The following BRINP3 variants were observed in gnomAD, a reference collection of about 807,000 sequenced individuals.
The protein encoded by BRINP3 is BMP/retinoic acid inducible neural specific 3.
BRINP3 carries 19 observed loss-of-function variants against 71.0 expected under a neutral mutation model. The ratio of observed to expected loss-of-function variants is 0.27; its 90% CI spans 0.19 to 0.39. The LOEUF (loss-of-function observed/expected upper bound fraction) is 0.39, where lower values mean the gene tolerates loss of function less well. Among genes scored for constraint, BRINP3 ranks in the 10% least tolerant of loss-of-function variants. BRINP3 has a pLI of 1.00. For synonymous variants in BRINP3, 380 were observed against 337.7 expected (o/e 1.13, Z -1.37); for missense variants, 959 against 940.8 (o/e 1.02, Z -0.25).
chr1:190,429,989 A>C (rs1391373268), intron 2 of BRINP3, among the ~76,000 whole-genome samples: 1 of 152,188 alleles, frequency 6.6e-6, no homozygotes, highest in Non-Finnish European at 1.5e-5. Context: ...AACAAAACAT[A>C]ATCTTGTTAC....
chr1:190,377,777 C>T (rs1204716802), intron 2 of BRINP3, among the ~76,000 whole-genome samples: 1 of 151,576 alleles, frequency 6.6e-6, no homozygotes, highest in Non-Finnish European at 1.5e-5. Flanking sequence ...AACTATTCTA[C>T]CTACAACAGC....
intron 7 of BRINP3, among the ~76,000 whole-genome samples, chr1:190,127,749 C>G (rs941293001): frequency 6.6e-6 from 1 of 151,756 alleles, no homozygotes. Flanking sequence ...GTATATATGG[C>G]AAAATGGACC....
At chr1:190,273,052 T>TG (rs1271461752) in intron 3 of BRINP3, among the ~76,000 whole-genome samples, 1 of 121,998 alleles carries the variant, frequency 8.2e-6, no homozygotes, top group Non-Finnish European at 2.0e-5. Flanking sequence ...GTAAGAGATC[T>TG]GTTTTTTTTT....
At chr1:190,361,964 G>A (rs1558217788) in intron 2 of BRINP3, 1 of 152,070 alleles carries the variant, frequency 6.6e-6, no homozygotes, top group Non-Finnish European at 1.5e-5. Context: ...AGGGTTAGAT[G>A]AGATCATGAG....
chr1:190,198,911 C>G (rs1439587105), intron 6 of BRINP3, among the ~76,000 whole-genome samples: 1 of 152,128 alleles, frequency 6.6e-6, no homozygotes, highest in Non-Finnish European at 1.5e-5. Context: ...GCACCCTACT[C>G]TTAGCACCAA....
At chr1:190,390,072 G>C (rs914743717) in intron 2 of BRINP3, among the ~76,000 whole-genome samples, 5 of 151,670 alleles carry the variant, frequency 3.3e-5, no homozygotes, top group Non-Finnish European at 7.4e-5. Context: ...AGAGACAGAG[G>C]ACAACTACTA....
intron 2 of BRINP3, among the ~76,000 whole-genome samples, chr1:190,396,669 C>T (rs965427942): frequency 7.0e-6 from 1 of 142,574 alleles, no homozygotes; most frequent in South Asian, 2.2e-4. Flanking sequence ...AACAGAGATG[C>T]ATATGTATAC....
intron 2 of BRINP3, among the ~76,000 whole-genome samples, chr1:190,287,877 A>T (rs1260589963): frequency 8.1e-6 from 1 of 124,104 alleles, no homozygotes; most frequent in African/African-American, 2.6e-5. Context: ...ATTACTGAAA[A>T]TAATTTAATT....
intron 2 of BRINP3, among the ~76,000 whole-genome samples, chr1:190,370,501 T>G (rs1057126948): frequency 6.6e-6 from 1 of 152,146 alleles, no homozygotes; most frequent in Non-Finnish European, 1.5e-5. Flanking sequence ...CAAAAAAATA[T>G]ATAACAGTGG....
At chr1:190,411,737 T>TA (rs1672674453) in intron 2 of BRINP3, among the ~76,000 whole-genome samples, 1 of 152,058 alleles carries the variant, frequency 6.6e-6, no homozygotes, top group African/African-American at 2.4e-5. Context: ...CAAGGTGGAA[T>TA]AAAAAAGGTA....
intron 2 of BRINP3, among the ~76,000 whole-genome samples, chr1:190,332,209 T>C (rs1667009768): frequency 6.6e-6 from 1 of 152,080 alleles, no homozygotes; most frequent in South Asian, 2.1e-4. Flanking sequence ...ACAATTTGCA[T>C]ATATACTGCC....
At chr1:190,246,133 G>C (rs1225371786) in intron 4 of BRINP3, among the ~76,000 whole-genome samples, 1 of 152,006 alleles carries the variant, frequency 6.6e-6, no homozygotes, top group Non-Finnish European at 1.5e-5. Flanking sequence ...GATTTTTAAA[G>C]TATGTATTTG....
At chr1:190,266,407 C>T (rs1050115915) in intron 3 of BRINP3, among the ~76,000 whole-genome samples, 3 of 152,092 alleles carry the variant, frequency 2.0e-5, no homozygotes, top group African/African-American at 7.2e-5. Context: ...CTAAAACTCA[C>T]ATTTCTTGTT....
At chr1:190,150,829 C>A (rs1208217610) in intron 7 of BRINP3, among the ~76,000 whole-genome samples, 1 of 151,860 alleles carries the variant, frequency 6.6e-6, no homozygotes, top group African/African-American at 2.4e-5. Flanking sequence ...CAGATGACAC[C>A]AATATCATGG....
intron 2 of BRINP3, among the ~76,000 whole-genome samples, chr1:190,444,239 C>CTAAA (rs1675043205): frequency 1.8e-5 from 1 of 56,310 alleles, no homozygotes; most frequent in Non-Finnish European, 3.1e-5. Flanking sequence ...AACTCCGTCT[C>CTAAA]AAAAAAAAAA....
At chr1:190,255,038 T>TC (rs1660525542) in intron 4 of BRINP3, among the ~76,000 whole-genome samples, 3 of 152,020 alleles carry the variant, frequency 2.0e-5, no homozygotes, top group African/African-American at 7.2e-5. Flanking sequence ...TCATGTGGTT[T>TC]TTTTTTTCAT....
intron 2 of BRINP3, among the ~76,000 whole-genome samples, chr1:190,443,735 A>T (rs1490432731): frequency 6.6e-6 from 1 of 152,026 alleles, no homozygotes; most frequent in Non-Finnish European, 1.5e-5. Context: ...ATCCCCCACC[A>T]CCAGCAGTTG....
chr1:190,256,042 G>T (rs1017628826), intron 4 of BRINP3, among the ~76,000 whole-genome samples: 1 of 152,128 alleles, frequency 6.6e-6, no homozygotes, highest in Non-Finnish European at 1.5e-5. Flanking sequence ...AGTCATTCAG[G>T]AGCCAGTTGT....
chr1:190,099,845 T>C (rs1651543191), intron 7 of BRINP3, among the ~76,000 whole-genome samples: 1 of 152,222 alleles, frequency 6.6e-6, no homozygotes, highest in Non-Finnish European at 1.5e-5. Context: ...TTTAATGTGT[T>C]TGATTTGAGT....
Sources: gnomAD v4.1 joint callset for allele counts (sites outside exome capture counted in the v4.1 genomes callset) on GRCh38, gnomAD v4.1.1 for gene constraint, MANE v1.5 for transcripts, NCBI Gene and HGNC (gene_info 2026-07-23, HGNC 2026-07-21) for gene names.